TENM4: variants seen among roughly 807,000 people sequenced by gnomAD.
The protein encoded by TENM4 is teneurin-4.
Under a neutral mutation model 243.3 loss-of-function variants are expected in TENM4, and 82 were observed. The observed-to-expected ratio is 0.34, with a 90% CI of 0.28 to 0.40. The LOEUF is 0.40. Among genes scored for constraint, TENM4 ranks in the 10% least tolerant of loss-of-function variants. The probability of loss-of-function intolerance (pLI) is 1.00; values close to 1 mark genes in which losing one functional copy is unlikely to be tolerated. For synonymous variants in TENM4, 1,412 were observed against 1,456.3 expected, an observed-to-expected ratio of 0.97 and a Z score of 0.69; for missense variants, 3,138 against 3,673.3, an observed-to-expected ratio of 0.85 and a Z score of 3.77.
chr11:79,042,535 G>A (rs2030373259), intron 6 of TENM4, among the ~76,000 whole-genome samples: 1 of 152,106 alleles, frequency 6.6e-6, no homozygotes, highest in Non-Finnish European at 1.5e-5. Flanking sequence ...AGAAGCAGAG[G>A]GCAAGCCCTC....
At chr11:79,416,805 A>G (rs1649408311) in intron 1 of TENM4, among the ~76,000 whole-genome samples, 1 of 151,984 alleles carries the variant, frequency 6.6e-6, no homozygotes, top group African/African-American at 2.4e-5. Context: ...TGCTACTAAC[A>G]CTGCTTTTGC....
intron 6 of TENM4, chr11:79,021,687 A>G (rs2136807049): frequency 6.6e-6 from 1 of 152,486 alleles, no homozygotes; most frequent in African/African-American, 2.4e-5. Flanking sequence ...TGAAATGGTC[A>G]TAGGGTATAA....
intron 1 of TENM4, among the ~76,000 whole-genome samples, chr11:79,424,730 C>T (rs1306981183): frequency 1.3e-5 from 2 of 152,090 alleles, no homozygotes; most frequent in African/African-American, 2.4e-5. Flanking sequence ...GTCAGGATAT[C>T]GAGACCACCC....
Position 79,162,160 on chromosome 11 carries a change from C to T in TENM4, c.-162-13354G>A, listed in dbSNP as rs536086216. On this transcript the variant is annotated intron_variant, in intron 3 of 33. Coordinates refer to ENST00000278550, the MANE Select transcript of TENM4 (RefSeq NM_001098816.3). Reference sequence around the variant, plus strand: ...GACCCTGTGTGCAGATCTAAAGCTGCCCTGTGGGCTTTCCATGGTAATTGG... The same window carrying T: ...GACCCTGTGTGCAGATCTAAAGCTGTCCTGTGGGCTTTCCATGGTAATTGG... Among the ~76,000 whole-genome samples, 36 of 152,302 alleles carry T rather than the reference C, an allele frequency of 2.4e-4. No homozygotes were observed. In the South Asian group the frequency reaches 4.8e-3, roughly 20 times the overall value.
intron 6 of TENM4, among the ~76,000 whole-genome samples, chr11:78,953,061 A>G (rs767828202): frequency 1.2e-4 from 18 of 152,298 alleles, no homozygotes; most frequent in South Asian, 1.0e-3. Context: ...ATGAATTACC[A>G]GTCATTTTCC....
intron 4 of TENM4, among the ~76,000 whole-genome samples, chr11:79,125,709 T>C (rs1185878606): frequency 6.6e-6 from 1 of 152,144 alleles, no homozygotes; most frequent in African/African-American, 2.4e-5. Flanking sequence ...CCTTTCCATC[T>C]TTGTCTGAGG....
chr11:78,893,780 T>TACACACACACACACACACACAAACAC (rs368536086), intron 7 of TENM4, among the ~76,000 whole-genome samples: 1 of 142,670 alleles, frequency 7.0e-6, no homozygotes, highest in Non-Finnish European at 1.5e-5. Context: ...GGACTTCACA[T>TACACACACACACACACACACAAACAC]ACACACACAC....
chr11:79,315,436 T>C (rs1032452496), intron 1 of TENM4, among the ~76,000 whole-genome samples: 1 of 152,226 alleles, frequency 6.6e-6, no homozygotes, highest in Admixed American at 6.5e-5. Context: ...TGTTGCCACA[T>C]GTCTTGCAGA....
intron 1 of TENM4, among the ~76,000 whole-genome samples, chr11:79,353,639 T>C (rs1018196588): frequency 6.7e-6 from 1 of 148,910 alleles, no homozygotes; most frequent in Non-Finnish European, 1.5e-5. Context: ...ATCAAGCAAA[T>C]CAGAAAAGCT....
chr11:79,203,910 C>T (rs938644944), intron 3 of TENM4, among the ~76,000 whole-genome samples: 27 of 152,312 alleles, frequency 1.8e-4, no homozygotes, highest in African/African-American at 6.3e-4. Flanking sequence ...GAATGAAGTA[C>T]TAACACATAC....
chr11:78,809,486 G>A (rs186159460), intron 14 of TENM4, among the ~76,000 whole-genome samples: 29 of 152,320 alleles, frequency 1.9e-4, no homozygotes, highest in African/African-American at 7.0e-4. Context: ...CTCTGCCAAA[G>A]AGGTGGTAGG....
chr11:79,399,986 T>C (rs1238272373), intron 1 of TENM4, among the ~76,000 whole-genome samples: 1 of 152,134 alleles, frequency 6.6e-6, no homozygotes. Context: ...GAAATCCTTC[T>C]TTAAACAACC....
At chr11:78,910,972 TA>T (rs1856171541) in intron 6 of TENM4, among the ~76,000 whole-genome samples, 1 of 152,154 alleles carries the variant, frequency 6.6e-6, no homozygotes, top group African/African-American at 2.4e-5. Flanking sequence ...TGATGGGGAA[TA>T]AAAAATAGCA....
intron 1 of TENM4, among the ~76,000 whole-genome samples, chr11:79,385,788 T>C (rs1858100128): frequency 1.3e-5 from 2 of 152,308 alleles, no homozygotes; most frequent in South Asian, 4.1e-4. Flanking sequence ...AGTTTCAGCC[T>C]GTTGGCAGCA....
At chr11:79,121,724 G>T (rs1591298096) in intron 4 of TENM4, among the ~76,000 whole-genome samples, 1 of 152,164 alleles carries the variant, frequency 6.6e-6, no homozygotes, top group Non-Finnish European at 1.5e-5. Context: ...CCCATCGTTT[G>T]CTGGAGGACA....
At chr11:79,065,911 C>T (rs1591255442) in intron 5 of TENM4, among the ~76,000 whole-genome samples, 1 of 152,212 alleles carries the variant, frequency 6.6e-6, no homozygotes, top group East Asian at 1.9e-4. Context: ...GACAGCTTCT[C>T]CTGTACTTCT....
intron 1 of TENM4, among the ~76,000 whole-genome samples, chr11:79,382,304 C>T (rs1210194591): frequency 1.3e-5 from 2 of 152,174 alleles, no homozygotes; most frequent in Admixed American, 6.5e-5. Context: ...TGTGAACACC[C>T]TTCCTTAACC....
At chr11:79,266,228 T>C (rs2135335596) in intron 2 of TENM4, among the ~76,000 whole-genome samples, 1 of 152,338 alleles carries the variant, frequency 6.6e-6, no homozygotes, top group Non-Finnish European at 1.5e-5. Context: ...AATGGATAGA[T>C]CTCACGCATC....
At chr11:79,288,130 C>T (rs1856289809) in intron 2 of TENM4, among the ~76,000 whole-genome samples, 1 of 152,182 alleles carries the variant, frequency 6.6e-6, no homozygotes, top group African/African-American at 2.4e-5. Context: ...CAGGTTGGTC[C>T]CCTTGTGAAA....
Sources: gnomAD v4.1 joint callset for allele counts (sites outside exome capture counted in the v4.1 genomes callset) on GRCh38, gnomAD v4.1.1 for gene constraint, MANE v1.5 for transcripts, NCBI Gene and HGNC (gene_info 2026-07-23, HGNC 2026-07-21) for gene names.